The following DCUN1D3 variants were observed in gnomAD, a reference collection of about 807,000 sequenced individuals.
The protein encoded by DCUN1D3 is DCN1-like protein 3.
Under a neutral mutation model 24.8 loss-of-function variants are expected in DCUN1D3, and 6 were observed. The ratio of observed to expected loss-of-function variants is 0.24; its 90% CI spans 0.13 to 0.48. The LOEUF (loss-of-function observed/expected upper bound fraction) is 0.48. Among genes scored for constraint, DCUN1D3 ranks in the 20% least tolerant of loss-of-function variants. The pLI is 0.99. For missense variants in DCUN1D3, 258 were observed against 379.4 expected (o/e 0.68, Z 2.66); for synonymous variants, 120 against 144.9 (o/e 0.83, Z 1.24).
At chr16:20,874,865 A>C (rs1017014645) in intron 1 of DCUN1D3, among the ~76,000 whole-genome samples, 2 of 151,924 alleles carry the variant, frequency 1.3e-5, no homozygotes, top group East Asian at 3.9e-4. Context: ...CTCATGTAGC[A>C]TGAGGCCCCA....
At chr16:20,863,266 C>T (rs1046767507) in intron 1 of DCUN1D3, among the ~76,000 whole-genome samples, 2 of 152,202 alleles carry the variant, frequency 1.3e-5, no homozygotes, top group Non-Finnish European at 1.5e-5. Context: ...CCTACTCCAT[C>T]CACCTATAGA....
intron 1 of DCUN1D3, chr16:20,896,281 C>T (rs1317777083): frequency 6.6e-6 from 1 of 152,146 alleles, no homozygotes; most frequent in East Asian, 1.9e-4. Flanking sequence ...ACCTTTTAGT[C>T]GTGTAATGCA....
chr16:20,888,827 C>G (rs1473384251), intron 1 of DCUN1D3, among the ~76,000 whole-genome samples: 1 of 152,226 alleles, frequency 6.6e-6, no homozygotes, highest in African/African-American at 2.4e-5. Flanking sequence ...TGGCTCACAC[C>G]TGTAATCCCT....
chr16:20,862,519 T>G lies in DCUN1D3; in HGVS notation c.20A>C (p.Lys7Thr). The G allele has an allele frequency of 6.2e-7, 1 of 1,604,874 alleles. No homozygotes were observed. Reference sequence around the variant, plus strand: ...CAGGGTCGATGAGGGATTCTTACACTTGGTGACACACTGGCCCATGGTGCT... The same window carrying G: ...CAGGGTCGATGAGGGATTCTTACACGTGGTGACACACTGGCCCATGGTGCT... MGQCVTKCKNPSSTLGS... is the reference protein window; with the variant it reads MGQCVTTCKNPSSTLGS... Residue 7 changes from lysine to threonine, a missense_variant, in exon 2 of 3, where the codon AAG (lysine) becomes ACG (threonine). Lys to Thr is a moderately conservative substitution (Grantham distance 78). Transcript: ENST00000324344.
intron 1 of DCUN1D3, among the ~76,000 whole-genome samples, chr16:20,884,043 G>A (rs780747743): frequency 2.0e-5 from 3 of 152,172 alleles, no homozygotes; most frequent in Non-Finnish European, 2.9e-5. Flanking sequence ...AGAAGACCGC[G>A]ATAAGTGGTG....
chr16:20,896,230 C>T (rs2081915345), intron 1 of DCUN1D3: 1 of 152,158 alleles, frequency 6.6e-6, no homozygotes, highest in Non-Finnish European at 1.5e-5. Flanking sequence ...CACTGTAAAT[C>T]AAAGAGCATC....
At chr16:20,867,108 T>C (rs2081766102) in intron 1 of DCUN1D3, among the ~76,000 whole-genome samples, 1 of 152,162 alleles carries the variant, frequency 6.6e-6, no homozygotes, top group African/African-American at 2.4e-5. Context: ...AACTCACATA[T>C]ACTCATCACA....
At chr16:20,881,108 G>A (rs1015921224) in intron 1 of DCUN1D3, among the ~76,000 whole-genome samples, 4 of 152,168 alleles carry the variant, frequency 2.6e-5, no homozygotes, top group Non-Finnish European at 4.4e-5. Context: ...AACCTTCAGT[G>A]AGAAATATAT....
At chr16:20,873,643 C>T (rs1353302181) in intron 1 of DCUN1D3, among the ~76,000 whole-genome samples, 1 of 152,206 alleles carries the variant, frequency 6.6e-6, no homozygotes, top group East Asian at 1.9e-4. Flanking sequence ...TTTTCCCTCG[C>T]TCTCGGCCAT....
At chr16:20,895,761 C>T in intron 1 of DCUN1D3, among the ~76,000 whole-genome samples, 1 of 152,192 alleles carries the variant, frequency 6.6e-6, no homozygotes, top group East Asian at 1.9e-4. Flanking sequence ...GACACTAACT[C>T]AATTAACCCT....
At chr16:20,863,385 A>C (rs2081743610) in intron 1 of DCUN1D3, among the ~76,000 whole-genome samples, 1 of 152,132 alleles carries the variant, frequency 6.6e-6, no homozygotes, top group South Asian at 2.1e-4. Context: ...GTCCACAATA[A>C]ATGTGATTGT....
At chr16:20,871,773 C>A (rs183893990) in intron 1 of DCUN1D3, among the ~76,000 whole-genome samples, 1 of 152,332 alleles carries the variant, frequency 6.6e-6, no homozygotes, top group East Asian at 1.9e-4. Context: ...CTGACCCATA[C>A]TTGAAATATT....
intron 1 of DCUN1D3, among the ~76,000 whole-genome samples, chr16:20,888,334 G>A (rs1360967536): frequency 6.6e-6 from 1 of 152,206 alleles, no homozygotes; most frequent in Admixed American, 6.5e-5. Context: ...CCATACATGA[G>A]GAAGCTGAGG....
At chr16:20,896,434 C>T (rs186945309) in intron 1 of DCUN1D3, 1 of 152,292 alleles carries the variant, frequency 6.6e-6, no homozygotes, top group Non-Finnish European at 1.5e-5. Context: ...AAGGCCAGCT[C>T]AGCTCCGAAA....
chr16:20,893,329 C>A (rs558311187), intron 1 of DCUN1D3, among the ~76,000 whole-genome samples: 1 of 152,228 alleles, frequency 6.6e-6, no homozygotes, highest in East Asian at 1.9e-4. Flanking sequence ...CACACCACCA[C>A]GCCCAGCTCC....
intron 1 of DCUN1D3, among the ~76,000 whole-genome samples, chr16:20,870,417 A>G (rs1292613855): frequency 6.6e-6 from 1 of 152,110 alleles, no homozygotes; most frequent in African/African-American, 2.4e-5. Flanking sequence ...TCTTAGTTTG[A>G]TCTCTGGAGG....
rs2152515621 is a variant in DCUN1D3 at position 20,858,802 on chromosome 16, C to T, written c.*1084G>A. The T allele has an allele frequency of 8.1e-6, 1 of 124,218 alleles. No homozygotes were observed. Among genetic ancestry groups the T allele is most frequent in the Admixed American group, 8.8e-5 (1 of 11,352 alleles). 7.7% of individuals were successfully genotyped at this position (124,218 alleles called of 1,614,324 possible). A position where few individuals can be genotyped will look rare whatever the true frequency, so the allele number is the denominator to read the frequency against. On this transcript the variant is annotated 3_prime_UTR_variant, in exon 3 of 3. Transcript: ENST00000324344. ...GCCAACCCCAGGCTTCTGCCCTTGC[C>T]AGACAAGTAAGCTGATGATATTCAA...
intron 1 of DCUN1D3, among the ~76,000 whole-genome samples, chr16:20,897,185 T>C (rs1039833047): frequency 7.9e-5 from 12 of 152,202 alleles, no homozygotes; most frequent in Non-Finnish European, 1.6e-4. Context: ...TAGTCACTGT[T>C]GTAGGGTTCA....
At chr16:20,895,482 G>A (rs1016436064) in intron 1 of DCUN1D3, among the ~76,000 whole-genome samples, 3 of 152,176 alleles carry the variant, frequency 2.0e-5, no homozygotes, top group Non-Finnish European at 4.4e-5. Context: ...TGGGACTACA[G>A]ATGTGCATCA....
Sources: gnomAD v4.1 joint callset for allele counts (sites outside exome capture counted in the v4.1 genomes callset) on GRCh38, gnomAD v4.1.1 for gene constraint, MANE v1.5 for transcripts, NCBI Gene and HGNC (gene_info 2026-07-23, HGNC 2026-07-21) for gene names.